ABI3BP: variants seen among roughly 807,000 people sequenced by gnomAD.
ABI3BP encodes ABI family member 3 binding protein, also known as target of Nesh-SH3.
A neutral mutation model predicts 268.6 loss-of-function variants in ABI3BP; 216 were observed. That is an observed-to-expected ratio of 0.80 (90% CI 0.72 to 0.90). The LOEUF is 0.90. ABI3BP is among the 40% of genes least tolerant of loss of function. The probability of loss-of-function intolerance (pLI) is 0.00; values close to 1 mark genes in which losing one functional copy is unlikely to be tolerated. For missense variants in ABI3BP, 2,090 were observed against 2,182.4 expected (o/e 0.96, Z 0.84); for synonymous variants, 730 against 730.0 (o/e 1.00, Z 0.00).
At chr3:100,901,250 G>T (rs1055484306) in intron 3 of ABI3BP, among the ~76,000 whole-genome samples, 8 of 152,156 alleles carry the variant, frequency 5.3e-5, no homozygotes, top group Non-Finnish European at 1.0e-4. Context: ...GCTCTTAAAA[G>T]AAGTGGAAAT....
At chr3:100,758,985 C>T (rs1487996183) in intron 63 of ABI3BP, among the ~76,000 whole-genome samples, 2 of 152,116 alleles carry the variant, frequency 1.3e-5, no homozygotes, top group Non-Finnish European at 2.9e-5. Context: ...CGTTTTGATC[C>T]TTTCTATAAT....
intron 9 of ABI3BP, 56 bp downstream of exon 9, chr3:100,874,785 T>C: frequency 9.7e-7 from 1 of 1,026,570 alleles, no homozygotes; most frequent in South Asian, 1.6e-5. Context: ...TTCCTAAGAA[T>C]ATCAGTGCTA....
chr3:100,927,676 A>T (rs1013205966), intron 1 of ABI3BP, among the ~76,000 whole-genome samples: 1 of 152,094 alleles, frequency 6.6e-6, no homozygotes, highest in African/African-American at 2.4e-5. Context: ...ATCTTGTGCA[A>T]ACTCTATCAC....
At chr3:100,923,358 C>A (rs2060859141) in intron 2 of ABI3BP, among the ~76,000 whole-genome samples, 1 of 152,088 alleles carries the variant, frequency 6.6e-6, no homozygotes, top group Non-Finnish European at 1.5e-5. Context: ...GCCTATCTAC[C>A]TAATGTAAAT....
chr3:100,820,736 G>C (rs1331860636), intron 39 of ABI3BP, among the ~76,000 whole-genome samples: 2 of 152,166 alleles, frequency 1.3e-5, no homozygotes, highest in East Asian at 3.8e-4. Context: ...TCACAATCAT[G>C]TTAGAATCAA....
At chr3:100,878,010 A>C (rs1193622773) in intron 6 of ABI3BP, among the ~76,000 whole-genome samples, 5 of 152,192 alleles carry the variant, frequency 3.3e-5, no homozygotes, top group African/African-American at 1.2e-4. Flanking sequence ...ACAACGAATA[A>C]AAGTTTACTA....
At chr3:100,934,723 C>T (rs2065258369) in intron 1 of ABI3BP, among the ~76,000 whole-genome samples, 1 of 130,906 alleles carries the variant, frequency 7.6e-6, no homozygotes, top group Admixed American at 8.3e-5. Flanking sequence ...TTGCATTTCT[C>T]TAATAACCAG....
intron 1 of ABI3BP, among the ~76,000 whole-genome samples, chr3:100,947,149 T>C (rs2072826892): frequency 6.6e-6 from 1 of 152,160 alleles, no homozygotes; most frequent in Admixed American, 6.6e-5. Context: ...ATTAATAAAA[T>C]ATTGAAATTT....
intron 29 of ABI3BP, 94 bp downstream of exon 29, chr3:100,834,590 G>A (rs566280003): frequency 1.7e-4 from 199 of 1,196,202 alleles, no homozygotes; most frequent in Non-Finnish European, 2.3e-4. Context: ...TTCACCCCAA[G>A]GGTCAAGTGG....
intron 1 of ABI3BP, among the ~76,000 whole-genome samples, chr3:100,992,544 G>A (rs1259573358): frequency 6.6e-6 from 1 of 152,196 alleles, no homozygotes; most frequent in Admixed American, 6.5e-5. Flanking sequence ...GCTTAGAGAA[G>A]TGCCTCTGCA....
rs888050436 is a variant in ABI3BP, at chr3:100,820,270, C to T, written c.2981G>A (p.Arg994His). The change falls in exon 40 of 68, where the codon CGT becomes CAT. Residue 994 changes from arginine to histidine, a missense_variant. By Grantham distance (29) the Arg-to-His change is conservative. Transcript: ENST00000471714. ...PKTSQRTRRP[R>H]PKTKTTPSPE... The stretch of plus-strand genomic sequence containing the variant: ...ACTTGGTGTGGTTTTAGTTTTGGGA[C>T]GTGGACGACGAGTTCGTTGTGATGT... 52 of 1,536,098 alleles carry T rather than the reference C, an allele frequency of 3.4e-5. No homozygotes were observed. Among genetic ancestry groups the T allele is most frequent in the Admixed American group, 3.9e-5 (2 of 50,978 alleles).
At chr3:100,827,309 A>G (rs1166295439) in intron 34 of ABI3BP, among the ~76,000 whole-genome samples, 2 of 151,694 alleles carry the variant, frequency 1.3e-5, no homozygotes, top group African/African-American at 2.4e-5. Context: ...TTCTAAACTG[A>G]CTCCTTGTCA....
chr3:100,932,586 C>T (rs1227751232), intron 1 of ABI3BP, among the ~76,000 whole-genome samples: 1 of 152,088 alleles, frequency 6.6e-6, no homozygotes, highest in Non-Finnish European at 1.5e-5. Context: ...GGCCAACAAG[C>T]ACATGAAAAA....
At chr3:100,825,062 A>C in intron 35 of ABI3BP, 121 bp from the exon 36 acceptor site, 1 of 791,678 alleles carries the variant, frequency 1.3e-6, no homozygotes, top group Non-Finnish European at 1.9e-6. Flanking sequence ...TTTTAGTTTT[A>C]CTTTTTCATT....
At chr3:100,758,562 G>A (rs879509030) in intron 63 of ABI3BP, among the ~76,000 whole-genome samples, 1 of 152,066 alleles carries the variant, frequency 6.6e-6, no homozygotes, top group Non-Finnish European at 1.5e-5. Flanking sequence ...TATAGCCCAC[G>A]GGTTATTGGA....
chr3:100,808,870 C>A (rs2097778851), intron 49 of ABI3BP, among the ~76,000 whole-genome samples: 1 of 151,962 alleles, frequency 6.6e-6, no homozygotes, highest in Admixed American at 6.6e-5. Flanking sequence ...AAAATCTATC[C>A]TGCTGAAGGA....
At chr3:100,846,551 A>C (rs1304084121) in intron 19 of ABI3BP, 105 bp from the exon 20 acceptor site, 1 of 731,932 alleles carries the variant, frequency 1.4e-6, no homozygotes, top group African/African-American at 1.8e-5. Flanking sequence ...ATTAAATGGA[A>C]TGAACTCATC....
chr3:100,805,011 C>A, intron 50 of ABI3BP, 145 bp from the exon 51 acceptor site: 1 of 651,752 alleles, frequency 1.5e-6, no homozygotes, highest in Non-Finnish European at 2.7e-6. Flanking sequence ...AGAAAGAAGA[C>A]CTAACCTTAA....
chr3:100,816,448 G>A, intron 43 of ABI3BP: 1 of 599,004 alleles, frequency 1.7e-6, no homozygotes, highest in East Asian at 2.8e-5. Context: ...CTTTAAAGAG[G>A]GACCAAGAAC....
Sources: allele counts gnomAD v4.1 joint callset (sites outside exome capture counted in the v4.1 genomes callset), GRCh38; gene constraint gnomAD v4.1.1; transcripts MANE v1.5; gene names NCBI Gene and HGNC (gene_info 2026-07-23, HGNC 2026-07-21).